The following TERB1 variants were observed in gnomAD, a reference collection of about 807,000 sequenced individuals.
TERB1 encodes the protein telomere repeats-binding bouquet formation protein 1.
In TERB1, 63 loss-of-function variants were observed where a neutral mutation model predicts 92.3. The observed-to-expected ratio is 0.68, with a 90% confidence interval of 0.56 to 0.84. TERB1 has a LOEUF of 0.84. Ranked by LOEUF, TERB1 falls within the 40% of genes least tolerant of loss-of-function variation. TERB1 has a pLI of 0.00. For missense variants in TERB1, 709 were observed against 843.7 expected, an observed-to-expected ratio of 0.84 and a Z score of 1.98; for synonymous variants, 252 against 283.9, an observed-to-expected ratio of 0.89 and a Z score of 1.13.
At chr16:66,783,428 A>G (rs1321179120) in intron 9 of TERB1, among the ~76,000 whole-genome samples, 1 of 152,222 alleles carries the variant, frequency 6.6e-6, no homozygotes, top group African/African-American at 2.4e-5. Flanking sequence ...CCACTTGGTC[A>G]TAACATATTA....
At chr16:66,776,826 G>A (rs2018556812) in intron 11 of TERB1, among the ~76,000 whole-genome samples, 1 of 152,180 alleles carries the variant, frequency 6.6e-6, no homozygotes, top group African/African-American at 2.4e-5. Flanking sequence ...TCAGATTTGT[G>A]CAGCAATGTG....
chr16:66,775,567 G>C (rs1238983562), intron 11 of TERB1, among the ~76,000 whole-genome samples: 1 of 152,076 alleles, frequency 6.6e-6, no homozygotes, highest in Non-Finnish European at 1.5e-5. Context: ...CTGGGAGGTG[G>C]AGGCTGCAGT....
Position 66,777,324 on chromosome 16 carries a change from C to T in TERB1, c.864G>A (p.Gly288=), listed in dbSNP as rs757634647. 50 of 1,538,576 alleles carry T rather than the reference C, an allele frequency of 3.2e-5. No individual in the cohort carries two copies. Among genetic ancestry groups the T allele is most frequent in the South Asian group, 2.6e-4 (22 of 83,352 alleles). Residue 288 remains glycine (G), a synonymous_variant, in exon 11 of 19, where the codon GGG becomes GGA. Transcript: ENST00000433154. ...CAATGTGGTACTTGGAGAGTACTAT[C>T]CCAAAAGTAGCTATTAGTATAAAAT... ...DACIADNPTF[G]IVLSKYHIVS...
At chr16:66,798,969 A>G (rs1317546034) in intron 2 of TERB1, among the ~76,000 whole-genome samples, 2 of 152,160 alleles carry the variant, frequency 1.3e-5, no homozygotes, top group African/African-American at 4.8e-5. Flanking sequence ...AATGGGAGCC[A>G]AGAAAATTTC....
chr16:66,790,371 A>G (rs1362992774), intron 5 of TERB1, among the ~76,000 whole-genome samples: 1 of 150,382 alleles, frequency 6.6e-6, no homozygotes, highest in Non-Finnish European at 1.5e-5. Flanking sequence ...GAAAGAAGAA[A>G]GGAAAGGCAA....
intron 3 of TERB1, among the ~76,000 whole-genome samples, chr16:66,793,733 G>A (rs1032403928): frequency 2.6e-5 from 4 of 151,718 alleles, no homozygotes; most frequent in South Asian, 2.1e-4. Context: ...GGGTGGTTTC[G>A]AACTCCTGAG....
chr16:66,789,965 C>G (rs933258022), intron 5 of TERB1, among the ~76,000 whole-genome samples: 1 of 152,130 alleles, frequency 6.6e-6, no homozygotes, highest in African/African-American at 2.4e-5. Flanking sequence ...CCTGCCTCAG[C>G]CTCCCAAAGT....
chr16:66,789,391 T>C lies in TERB1; in HGVS notation c.272-1094A>G, dbSNP rs1390077340. Among the ~76,000 whole-genome samples, 2 of 48,902 alleles carry C rather than the reference T, an allele frequency of 4.1e-5. 1 individual carries two copies. Among genetic ancestry groups the C allele is most frequent in the African/African-American group, 2.5e-4 (2 of 7,864 alleles). The allele number at this position is 48,902 out of a possible 152,430, so 32.1% of individuals were successfully genotyped here. A position where few individuals can be genotyped will look rare whatever the true frequency, so the allele number is the denominator to read the frequency against. Reference sequence around the variant, plus strand: ...CGAGGTCAGGAGATCGAGACCATCCTGGCTAACACGGTGAAACCCCGTCTC... The same window carrying C: ...CGAGGTCAGGAGATCGAGACCATCCCGGCTAACACGGTGAAACCCCGTCTC... On this transcript the variant is annotated intron_variant, in intron 5 of 18. Coordinates refer to ENST00000433154, the MANE Select transcript of TERB1 (RefSeq NM_001136505.2).
intron 13 of TERB1, among the ~76,000 whole-genome samples, chr16:66,771,605 T>C (rs1199633495): frequency 1.3e-5 from 2 of 151,918 alleles, no homozygotes; most frequent in Middle Eastern, 3.4e-3. Context: ...CTGTACGGTA[T>C]GTGAATTATA....
chr16:66,790,648 C>G lies in TERB1; in HGVS notation c.218G>C (p.Ser73Thr), dbSNP rs1293571577. 1.3e-6 allele frequency: 2 copies of G among 1,550,616 alleles called. No homozygotes were observed. The highest frequency in any genetic ancestry group is 4.9e-5 in the East Asian group (2 of 40,790). ...VKNLAKSSEH[S>T]MVKEAALYTL... ...ATATAAGGCTGCTTCTTTTACCATG[C>G]TATGTTCACTTGACTTTGCAAGATT... is the stretch of plus-strand genomic sequence containing the variant. Residue 73 changes from serine (S) to threonine (T), a missense_variant, in exon 5 of 19, where the codon AGC (serine) becomes ACC (threonine). Physicochemically the swap from Ser to Thr is moderately conservative, Grantham distance 58. Transcript: ENST00000433154.
chr16:66,797,211 T>C (rs887394040), intron 2 of TERB1, among the ~76,000 whole-genome samples: 1 of 151,622 alleles, frequency 6.6e-6, no homozygotes, highest in Non-Finnish European at 1.5e-5. Context: ...TAACTGGACC[T>C]CTTAGCTGGT....
chr16:66,794,682 G>A (rs1223253992), intron 3 of TERB1, among the ~76,000 whole-genome samples: 4 of 152,066 alleles, frequency 2.6e-5, no homozygotes, highest in Admixed American at 6.5e-5. Context: ...AGGCCGAGGT[G>A]GGTGGATCAC....
chr16:66,771,843 C>T (rs1412158072), intron 13 of TERB1, among the ~76,000 whole-genome samples: 1 of 152,132 alleles, frequency 6.6e-6, no homozygotes, highest in Non-Finnish European at 1.5e-5. Context: ...ATTATACTAA[C>T]TTGGACACTA....
At chr16:66,793,814 T>C (rs1005300504) in intron 3 of TERB1, among the ~76,000 whole-genome samples, 6 of 151,742 alleles carry the variant, frequency 4.0e-5, no homozygotes, top group Non-Finnish European at 5.9e-5. Flanking sequence ...CGCCCGGCCA[T>C]AGTCTCACTG....
At position 66,787,006 on chromosome 16, in the gene TERB1, C is replaced by T. The variant is rs933877044; in HGVS notation, c.401-721G>A. Among the ~76,000 whole-genome samples the T allele has an allele frequency of 5.9e-5, 9 of 152,104 alleles. No homozygotes were observed. The South Asian group carries it at 6.2e-4, about 11-fold the overall frequency. ...AGAGTCTGCTGGTACTGAATATGGT[C>T]GTGCTGGGACCTGGGTGACATGGGG... On this transcript the variant is annotated intron_variant, in intron 6 of 18. Transcript: ENST00000433154.
chr16:66,767,709 T>C (rs1314744071), intron 15 of TERB1, among the ~76,000 whole-genome samples, 199 bp from the exon 16 acceptor site: 1 of 151,840 alleles, frequency 6.6e-6, no homozygotes, highest in East Asian at 1.9e-4. Flanking sequence ...GCTTATGCTT[T>C]AGAGGGCCAA....
chr16:66,799,881 G>T (rs1020583116), intron 2 of TERB1, among the ~76,000 whole-genome samples: 1 of 152,134 alleles, frequency 6.6e-6, no homozygotes, highest in African/African-American at 2.4e-5. Flanking sequence ...CAAACAAGGA[G>T]ATTTCAAAAT....
intron 12 of TERB1, among the ~76,000 whole-genome samples, chr16:66,774,311 G>A (rs1200032937): frequency 4.7e-5 from 7 of 149,116 alleles, no homozygotes; most frequent in African/African-American, 1.7e-4. Context: ...TCAGCCTCCC[G>A]AGTAGCTGGG....
In TERB1 at chr16:66,768,147, T is replaced by C; in HGVS notation, c.1641A>G (p.Pro547=). Residue 547 remains proline, a synonymous_variant, in exon 15 of 19, where the codon CCA becomes CCG. Transcript: ENST00000433154. ...GCTTTATATTTTTGGCAATGTGAACTGGGTGTTTAAAAACATGGTCACTAA... is the reference window on the plus strand; with the variant it reads ...GCTTTATATTTTTGGCAATGTGAACCGGGTGTTTAAAAACATGGTCACTAA... ...SQSSDHVFKH[P]VHIAKNIKQQ... 1 of 1,550,162 alleles carries C rather than the reference T, an allele frequency of 6.5e-7. No individual in the cohort carries two copies. The highest frequency in any genetic ancestry group is 1.2e-5 in the South Asian group (1 of 83,994).
Sources: gnomAD v4.1 joint callset for allele counts (sites outside exome capture counted in the v4.1 genomes callset) on GRCh38, gnomAD v4.1.1 for gene constraint, MANE v1.5 for transcripts, NCBI Gene and HGNC (gene_info 2026-07-23, HGNC 2026-07-21) for gene names.